Variants in PTOV1 observed in about 807,000 individuals in gnomAD.
PTOV1 encodes prostate tumor-overexpressed gene 1 protein.
In PTOV1, 20 loss-of-function variants were observed where a neutral mutation model predicts 58.0. The ratio of observed to expected loss-of-function variants is 0.34; its 90% CI spans 0.24 to 0.50. PTOV1 has a LOEUF of 0.50. Among genes scored for constraint, PTOV1 ranks in the 20% least tolerant of loss-of-function variants. The pLI is 0.98. For synonymous variants in PTOV1, 335 were observed against 234.2 expected, an observed-to-expected ratio of 1.43 and a Z score of -3.93; for missense variants, 593 against 565.4, an observed-to-expected ratio of 1.05 and a Z score of -0.50.
intron 1 of PTOV1, chr19:49,851,808 G>T: frequency 3.9e-6 from 4 of 1,022,100 alleles, no homozygotes; most frequent in Non-Finnish European, 4.7e-6. Flanking sequence ...CGGCACGCTC[G>T]CTTGTTTTTC....
At chr19:49,855,218 G>C in intron 5 of PTOV1, 141 bp downstream of exon 5, 1 of 758,410 alleles carries the variant, frequency 1.3e-6, no homozygotes, top group South Asian at 1.6e-5. Flanking sequence ...ACCCCATCTG[G>C]AAATGACTGA....
At chr19:49,860,412 C>T (rs564614169) in exon 12 of PTOV1, 70 of 1,342,614 alleles carry the variant, frequency 5.2e-5, no homozygotes, top group South Asian at 5.7e-5. Context: ...AGAAGCAGGG[C>T]GACCTTGGCC....
exon 5 of PTOV1, chr19:49,855,031 A>G (rs1245629529): frequency 1.2e-6 from 2 of 1,601,070 alleles, no homozygotes; most frequent in Non-Finnish European, 1.7e-6. Flanking sequence ...ACCAACAGAG[A>G]CTGCGACTCG....
exon 6 of PTOV1, chr19:49,857,046 G>C: frequency 6.2e-7 from 1 of 1,614,036 alleles, no homozygotes; most frequent in African/African-American, 1.3e-5. Flanking sequence ...ACTCGTCCAA[G>C]AAGAAGATCT....
upstream of PTOV1, chr19:49,850,845 G>C (rs759458166): frequency 6.5e-7 from 1 of 1,535,080 alleles, no homozygotes; most frequent in Non-Finnish European, 8.7e-7. Context: ...ATGTATTTTG[G>C]CGCGGTCTCC....
intron 1 of PTOV1, chr19:49,853,302 G>A (rs1303802402): frequency 6.6e-6 from 1 of 152,184 alleles, no homozygotes; most frequent in Admixed American, 6.5e-5. Context: ...TGGGTTTCCT[G>A]CTGCCAGGCT....
chr19:49,851,753 C>G (rs1383089752), intron 1 of PTOV1: 3 of 1,093,032 alleles, frequency 2.7e-6, no homozygotes, highest in Admixed American at 5.2e-5. Flanking sequence ...ACTGCTGACT[C>G]CGCGGCCCGA....
chr19:49,851,379 C>T, exon 1 of PTOV1: 1 of 1,151,532 alleles, frequency 8.7e-7, no homozygotes, highest in Middle Eastern at 3.6e-4. Flanking sequence ...GGGGCCCCCT[C>T]GGGGGTCGCG....
At chr19:49,858,359 C>G in intron 9 of PTOV1, 190 bp from the exon 10 acceptor site, 1 of 683,288 alleles carries the variant, frequency 1.5e-6, no homozygotes, top group Admixed American at 2.7e-5. Flanking sequence ...GGGGGGCTGC[C>G]AAGGGATCTG....
chr19:49,852,868 A>C (rs2074306621), intron 1 of PTOV1: 1 of 152,156 alleles, frequency 6.6e-6, no homozygotes, highest in African/African-American at 2.4e-5. Flanking sequence ...GTGTACCCTC[A>C]TCTCGAAAGT....
chr19:49,857,056 T>C, exon 6 of PTOV1: 1 of 1,614,114 alleles, frequency 6.2e-7, no homozygotes, highest in Non-Finnish European at 8.5e-7. Context: ...GAAGAAGATC[T>C]TCATGGGCCT....
chr19:49,858,727 C>G, intron 10 of PTOV1, 74 bp downstream of exon 10: 1 of 1,265,386 alleles, frequency 7.9e-7, no homozygotes. Flanking sequence ...CGGGGGCGGA[C>G]ATGGGAGAGG....
At chr19:49,851,786 C>T (rs978671439) in intron 1 of PTOV1, 2 of 1,048,860 alleles carry the variant, frequency 1.9e-6, no homozygotes, top group Non-Finnish European at 2.3e-6. Context: ...CTGGGGGCGG[C>T]AGACAGGCAG....
chr19:49,850,908 G>T, upstream of PTOV1: 1 of 1,535,838 alleles, frequency 6.5e-7, no homozygotes, highest in Non-Finnish European at 8.7e-7. Flanking sequence ...CCCGACCCCC[G>T]CAAGGGGCCA....
chr19:49,860,292 G>C (rs1600407525), exon 12 of PTOV1: 31 of 1,612,948 alleles, frequency 1.9e-5, no homozygotes, highest in Non-Finnish European at 2.6e-5. Context: ...GTTACCCCGG[G>C]CTGGGCCCCT....
intron 1 of PTOV1, chr19:49,851,793 G>A: frequency 9.6e-7 from 1 of 1,041,832 alleles, no homozygotes; most frequent in Non-Finnish European, 1.2e-6. Context: ...CGGCAGACAG[G>A]CAGCCGGCAC....
At chr19:49,851,358 C>T (rs2074237147) in exon 1 of PTOV1, 1 of 1,111,472 alleles carries the variant, frequency 9.0e-7, no homozygotes, top group Non-Finnish European at 1.1e-6. Context: ...CCCCGTACCG[C>T]TCCGGCGCCG....
At position 49,857,133 on chromosome 19, in the gene PTOV1, G is replaced by A. The variant is rs2074506027; in HGVS notation, c.714+3G>A. On this transcript the variant is annotated splice_donor_region_variant and intron_variant, in intron 6 of 11. Coordinates refer to ENST00000391842, the Ensembl canonical transcript of PTOV1. Reference sequence around the variant, plus strand: ...AGGTCATCACCACCCGCAAGCAGGTGTGCCAGCCAAGCACAGCCCCTCTGG... The same window carrying A: ...AGGTCATCACCACCCGCAAGCAGGTATGCCAGCCAAGCACAGCCCCTCTGG... The A allele has an allele frequency of 1.9e-6, 3 of 1,614,020 alleles. No individual in the cohort carries two copies. The highest frequency in any genetic ancestry group is 1.7e-4 in the Middle Eastern group (1 of 6,052).
intron 10 of PTOV1, among the ~76,000 whole-genome samples, chr19:49,859,682 C>G (rs2074659861): frequency 6.6e-6 from 1 of 152,196 alleles, no homozygotes; most frequent in South Asian, 2.1e-4. Context: ...TGAGTTGAAG[C>G]CATGGCCGGT....
Sources: gnomAD v4.1 joint callset for allele counts (sites outside exome capture counted in the v4.1 genomes callset) on GRCh38, gnomAD v4.1.1 for gene constraint, MANE v1.5 for transcripts, NCBI Gene and HGNC (gene_info 2026-07-23, HGNC 2026-07-21) for gene names.